RNF115: variants seen among roughly 807,000 people sequenced by gnomAD.
RNF115 encodes E3 ubiquitin-protein ligase RNF115.
A neutral mutation model predicts 39.2 loss-of-function variants in RNF115; 31 were observed. That is an observed-to-expected ratio of 0.79 (90% CI 0.59 to 1.07). The LOEUF (loss-of-function observed/expected upper bound fraction) is 1.07. Among genes scored for constraint, RNF115 ranks in the 50% least tolerant of loss-of-function variants. The pLI, the probability that RNF115 is intolerant of heterozygous loss-of-function variation, is 0.00. For synonymous variants in RNF115, 124 were observed against 131.0 expected (o/e 0.95, Z 0.37); for missense variants, 384 against 381.7 (o/e 1.01, Z -0.05).
Position 145,823,838 on chromosome 1 carries a change from G to A in RNF115, c.36C>T (p.Gly12=), listed in dbSNP as rs782062740. The A allele has an allele frequency of 6.4e-7, 1 of 1,572,400 alleles. No homozygotes were observed. The highest frequency in any genetic ancestry group is 1.2e-5 in the South Asian group (1 of 86,548). The change falls in exon 1 of 9, where the codon GGC becomes GGT. Residue 12 remains glycine, a synonymous_variant. Transcript: ENST00000582693. ...AAAACCGGTGGGCGGCTACAGCGGC[G>A]CCCGAGTCCGCCCCGGCCGCCGAAG... The part of the protein sequence containing the change: ...AEASAAGADS[G]AAVAAHRFFC...
chr1:145,752,343 G>GA (rs1658117032), intron 5 of RNF115, among the ~76,000 whole-genome samples: 1 of 151,930 alleles, frequency 6.6e-6, no homozygotes, highest in Admixed American at 6.6e-5. Context: ...GTCTACTGGG[G>GA]AAACCCACAA....
chr1:145,763,864 C>A, intron 4 of RNF115, among the ~76,000 whole-genome samples: 1 of 151,770 alleles, frequency 6.6e-6, no homozygotes. Flanking sequence ...AATATTTTAC[C>A]GTCTTAAAAA....
intron 4 of RNF115, among the ~76,000 whole-genome samples, chr1:145,770,301 G>A (rs1647575653): frequency 6.6e-6 from 1 of 152,182 alleles, no homozygotes; most frequent in Non-Finnish European, 1.5e-5. Context: ...CTAATGGATA[G>A]ATATGTAATA....
intron 4 of RNF115, among the ~76,000 whole-genome samples, chr1:145,757,091 C>G (rs1245877447): frequency 5.9e-5 from 9 of 152,096 alleles, no homozygotes; most frequent in Admixed American, 5.2e-4. Flanking sequence ...CCACCTTGGC[C>G]TCCCAAAGTG....
At position 145,744,749 on chromosome 1, in the gene RNF115, A is replaced by G. The variant is rs1657808187; in HGVS notation, c.*2117T>C. 6.6e-6 allele frequency: 1 copy of G among 152,232 alleles called. No homozygotes were observed. The highest frequency in any genetic ancestry group is 1.9e-4 in the East Asian group (1 of 5,200). 9.4% of individuals were successfully genotyped at this position (152,232 alleles called of 1,614,324 possible). On this transcript the variant is annotated 3_prime_UTR_variant, in exon 9 of 9. Transcript: ENST00000582693. The stretch of plus-strand genomic sequence containing the variant: ...TCATTCTGATCATTGTTGTGTGACA[A>G]TACAAATGGTGCCCCTCTGTACCTT...
intron 8 of RNF115, among the ~76,000 whole-genome samples, chr1:145,747,592 G>A (rs1418878551): frequency 6.6e-6 from 1 of 152,140 alleles, no homozygotes; most frequent in Non-Finnish European, 1.5e-5. Context: ...TCAGTGAGCT[G>A]AGATCACGCC....
chr1:145,820,705 C>T lies in RNF115; in HGVS notation c.102+3067G>A, dbSNP rs1223511049. Among the ~76,000 whole-genome samples the T allele has an allele frequency of 2.2e-4, 34 of 152,132 alleles. 1 individual carries two copies. The highest frequency in any genetic ancestry group is 7.4e-5 in the Non-Finnish European group (5 of 68,018). ...GAACCGAGATCGCACCACTGCACTC[C>T]AGCCTGGTGACAGAGCGAGACTCAG... On this transcript the variant is annotated intron_variant, in intron 1 of 8. Transcript: ENST00000582693.
At chr1:145,747,052 T>C (rs1312963714) in intron 8 of RNF115, 55 bp from the exon 9 acceptor site, 1 of 1,534,476 alleles carries the variant, frequency 6.5e-7, no homozygotes, top group Non-Finnish European at 8.9e-7. Context: ...AAGCTGGGAG[T>C]ATTGTACACT....
chr1:145,769,466 G>A (rs1408336436), intron 4 of RNF115, among the ~76,000 whole-genome samples: 1 of 152,010 alleles, frequency 6.6e-6, no homozygotes, highest in African/African-American at 2.4e-5. Flanking sequence ...AACCGATACT[G>A]CACTAGAAGC....
At chr1:145,803,070 C>A (rs1398415409) in intron 1 of RNF115, among the ~76,000 whole-genome samples, 1 of 152,198 alleles carries the variant, frequency 6.6e-6, no homozygotes, top group Non-Finnish European at 1.5e-5. Context: ...TCACTGACTT[C>A]TTTCTCTCAA....
chr1:145,784,193 C>A (rs1218788933), intron 3 of RNF115, among the ~76,000 whole-genome samples: 1 of 152,158 alleles, frequency 6.6e-6, no homozygotes, highest in Non-Finnish European at 1.5e-5. Context: ...TGTCACACCA[C>A]TAAAGCAGAG....
intron 3 of RNF115, among the ~76,000 whole-genome samples, chr1:145,783,523 T>C (rs1313921044): frequency 1.3e-5 from 2 of 152,114 alleles, no homozygotes; most frequent in South Asian, 2.1e-4. Flanking sequence ...TACAAAACAG[T>C]GAAATATTTT....
At position 145,744,417 on chromosome 1, in the gene RNF115, C is replaced by T. The variant is rs151062694; in HGVS notation, c.*2449G>A. Reference sequence around the variant, plus strand: ...ATCTCATTCCCCAAATAAACAATCACTACAGAGGTGTAATATGGGAGGTAT... The same window carrying T: ...ATCTCATTCCCCAAATAAACAATCATTACAGAGGTGTAATATGGGAGGTAT... On this transcript the variant is annotated 3_prime_UTR_variant, in exon 9 of 9. Transcript: ENST00000582693. 1 of 152,396 alleles carries T rather than the reference C, an allele frequency of 6.6e-6. No homozygotes were observed. The highest frequency in any genetic ancestry group is 2.4e-5 in the African/African-American group (1 of 41,582). The allele number at this position is 152,396 out of a possible 1,614,324, so 9.4% of individuals were successfully genotyped here. A position where few individuals can be genotyped will look rare whatever the true frequency, so the allele number is the denominator to read the frequency against.
chr1:145,769,760 T>TTA (rs1484805087), intron 4 of RNF115, among the ~76,000 whole-genome samples: 1 of 125,592 alleles, frequency 8.0e-6, no homozygotes, highest in Admixed American at 8.2e-5. Flanking sequence ...TAAAAATCCT[T>TTA]AAAAAAAAAA....
chr1:145,815,327 A>T (rs1475247992), intron 1 of RNF115, among the ~76,000 whole-genome samples: 1 of 152,290 alleles, frequency 6.6e-6, no homozygotes, highest in Non-Finnish European at 1.5e-5. Flanking sequence ...GAAAGCGAGC[A>T]GTTCTTAACC....
intron 2 of RNF115, among the ~76,000 whole-genome samples, chr1:145,788,393 T>C (rs1031023694): frequency 1.3e-5 from 2 of 152,168 alleles, no homozygotes; most frequent in Non-Finnish European, 2.9e-5. Context: ...ATAACCTTAA[T>C]AAGAACAAGA....
chr1:145,802,296 C>G (rs1553720975), intron 1 of RNF115, among the ~76,000 whole-genome samples: 1 of 152,166 alleles, frequency 6.6e-6, no homozygotes. Context: ...CATAGCTTAG[C>G]CCTGATGCTT....
intron 1 of RNF115, among the ~76,000 whole-genome samples, chr1:145,803,231 A>G (rs1553721123): frequency 3.4e-5 from 5 of 145,548 alleles, no homozygotes; most frequent in African/African-American, 1.2e-4. Context: ...TCAGTTTACT[A>G]AAAAGGAAAA....
In RNF115 at chr1:145,746,784, T is replaced by C. The variant is rs1657892951; in HGVS notation, c.*82A>G. On this transcript the variant is annotated 3_prime_UTR_variant, in exon 9 of 9. Transcript: ENST00000582693. ...AGTTTCTTACATATTCCTAAATCCATCTACTAATTTTTTGTTTTGATACAA... is the reference window on the plus strand; with the variant it reads ...AGTTTCTTACATATTCCTAAATCCACCTACTAATTTTTTGTTTTGATACAA... The C allele has an allele frequency of 1.0e-5, 14 of 1,364,050 alleles. No individual in the cohort carries two copies. Among genetic ancestry groups the C allele is most frequent in the Non-Finnish European group, 1.4e-5 (14 of 984,406 alleles). 84.5% of individuals were successfully genotyped at this position (1,364,050 alleles called of 1,614,324 possible).
Sources: allele counts gnomAD v4.1 joint callset (sites outside exome capture counted in the v4.1 genomes callset), GRCh38; gene constraint gnomAD v4.1.1; transcripts MANE v1.5; gene names NCBI Gene and HGNC (gene_info 2026-07-23, HGNC 2026-07-21).